The following KSR2 variants were observed in gnomAD, a reference collection of about 807,000 sequenced individuals.
KSR2 encodes the protein kinase suppressor of ras 2.
In KSR2, 25 loss-of-function variants were observed where a neutral mutation model predicts 107.8. That is an observed-to-expected ratio of 0.23 (90% CI 0.17 to 0.32). The LOEUF is 0.32. Ranked by LOEUF, KSR2 falls within the 10% of genes least tolerant of loss-of-function variation. The pLI is 1.00. For missense variants in KSR2, 887 were observed against 1,268.9 expected, an observed-to-expected ratio of 0.70 and a Z score of 4.57; for synonymous variants, 480 against 507.0, an observed-to-expected ratio of 0.95 and a Z score of 0.71.
At chr12:117,887,830 C>A (rs1164548338) in intron 1 of KSR2, among the ~76,000 whole-genome samples, 1 of 152,168 alleles carries the variant, frequency 6.6e-6, no homozygotes, top group Non-Finnish European at 1.5e-5. Flanking sequence ...TTAAAAAACT[C>A]TCCTCCACTG....
rs1565883551 is a variant in KSR2 at position 117,525,144 on chromosome 12, G to A, written c.1927C>T (p.Arg643Trp). The A allele has an allele frequency of 1.2e-6, 2 of 1,613,954 alleles. No homozygotes were observed. Among genetic ancestry groups the A allele is most frequent in the Non-Finnish European group, 1.7e-6 (2 of 1,179,868 alleles). The change falls in exon 14 of 20, where the codon CGG (arginine) becomes TGG (tryptophan). Residue 643 changes from arginine (R) to tryptophan (W), a missense_variant. By Grantham distance (101) the Arg-to-Trp change is moderately radical. This residue lies in a region of KSR2 where 308 missense variants were observed against 506.2 expected (regional missense o/e 0.61). Coordinates refer to ENST00000339824, the MANE Select transcript of KSR2 (RefSeq NM_173598.6). The stretch of plus-strand genomic sequence containing the variant: ...TGGCTGGCCTTGCGTGGGAAGCTCC[G>A]GGCCGAGAGGAGGGACAGGTTCATC... The part of the protein sequence containing the change: ...EEMNLSLLSA[R>W]SFPRKASQTS...
intron 5 of KSR2, among the ~76,000 whole-genome samples, chr12:117,605,962 A>G (rs1303503827): frequency 1.3e-5 from 2 of 152,162 alleles, no homozygotes; most frequent in Non-Finnish European, 2.9e-5. Flanking sequence ...CAGAAACGAG[A>G]AAAAGAAACC....
chr12:117,580,057 T>A (rs1265068698), intron 6 of KSR2, among the ~76,000 whole-genome samples: 1 of 151,922 alleles, frequency 6.6e-6, no homozygotes, highest in Non-Finnish European at 1.5e-5. Flanking sequence ...TCAGCAGGAG[T>A]TATATCTAAT....
intron 4 of KSR2, among the ~76,000 whole-genome samples, chr12:117,758,544 T>A (rs934896292): frequency 6.6e-6 from 1 of 152,184 alleles, no homozygotes. Flanking sequence ...GAGGAAGTGA[T>A]GAGCTTGCTA....
intron 14 of KSR2, among the ~76,000 whole-genome samples, chr12:117,488,622 T>G (rs1370655472): frequency 6.6e-6 from 1 of 152,142 alleles, no homozygotes; most frequent in Non-Finnish European, 1.5e-5. Flanking sequence ...AAGACGGCCC[T>G]CCCCAGAATC....
chr12:117,533,926 T>C (rs111818302), intron 10 of KSR2, among the ~76,000 whole-genome samples: 1 of 152,042 alleles, frequency 6.6e-6, no homozygotes, highest in Admixed American at 6.6e-5. Context: ...AAGGGAAACA[T>C]ATGACCAGAA....
chr12:117,673,408 C>G (rs193242704), intron 4 of KSR2, among the ~76,000 whole-genome samples: 2 of 149,398 alleles, frequency 1.3e-5, no homozygotes, highest in Non-Finnish European at 3.0e-5. Flanking sequence ...GACAGAAGAA[C>G]GGATAAAGGA....
chr12:117,525,326 A>C, intron 13 of KSR2, 107 bp from the exon 14 acceptor site: 1 of 1,280,492 alleles, frequency 7.8e-7, no homozygotes, highest in East Asian at 2.6e-5. Context: ...GCACATCTCT[A>C]CATGCATTTG....
intron 14 of KSR2, among the ~76,000 whole-genome samples, chr12:117,519,344 C>G (rs1485896983): frequency 6.6e-6 from 1 of 152,176 alleles, no homozygotes; most frequent in Non-Finnish European, 1.5e-5. Context: ...TTTAAAGCAG[C>G]AGGTCTCACA....
At chr12:117,672,944 T>G (rs755268388) in intron 4 of KSR2, among the ~76,000 whole-genome samples, 2 of 152,194 alleles carry the variant, frequency 1.3e-5, no homozygotes, top group East Asian at 1.9e-4. Flanking sequence ...CAACAAACTT[T>G]CAATCCACCA....
chr12:117,615,337 C>A (rs1593053741), intron 5 of KSR2, among the ~76,000 whole-genome samples: 1 of 152,018 alleles, frequency 6.6e-6, no homozygotes. Flanking sequence ...TTAAATCTTG[C>A]CCATTAGCTC....
At chr12:117,929,728 A>C (rs1408595382) in intron 1 of KSR2, among the ~76,000 whole-genome samples, 1 of 152,252 alleles carries the variant, frequency 6.6e-6, no homozygotes, top group East Asian at 1.9e-4. Context: ...AAACTCAAAA[A>C]CATTAGGTTA....
chr12:117,668,210 A>G (rs1380069599), intron 4 of KSR2, among the ~76,000 whole-genome samples: 1 of 152,238 alleles, frequency 6.6e-6, no homozygotes, highest in Non-Finnish European at 1.5e-5. Context: ...CAAGAGATCT[A>G]AGTAGACTAA....
chr12:117,493,593 C>T (rs530024465), intron 14 of KSR2, among the ~76,000 whole-genome samples: 1 of 152,318 alleles, frequency 6.6e-6, no homozygotes, highest in African/African-American at 2.4e-5. Flanking sequence ...GTGGACTCCA[C>T]CTTTGCAACA....
chr12:117,795,016 T>C (rs1037798950), intron 3 of KSR2, among the ~76,000 whole-genome samples: 7 of 152,184 alleles, frequency 4.6e-5, no homozygotes, highest in African/African-American at 1.7e-4. Flanking sequence ...CCCCAGTAAC[T>C]TCCAGGACTT....
At chr12:117,826,216 C>T (rs1891746154) in intron 3 of KSR2, among the ~76,000 whole-genome samples, 1 of 152,102 alleles carries the variant, frequency 6.6e-6, no homozygotes, top group South Asian at 2.1e-4. Context: ...ACCACCTTGA[C>T]CTCTCTGGAT....
intron 3 of KSR2, among the ~76,000 whole-genome samples, chr12:117,804,594 T>C (rs140296663): frequency 1.3e-5 from 2 of 152,336 alleles, no homozygotes; most frequent in East Asian, 3.9e-4. Context: ...ATACTATTAT[T>C]ATACTGCTTT....
intron 1 of KSR2, among the ~76,000 whole-genome samples, chr12:117,893,758 C>A (rs1188003602): frequency 6.6e-6 from 1 of 152,054 alleles, no homozygotes; most frequent in Admixed American, 6.5e-5. Context: ...AAATCAAGGC[C>A]AAGAATACGG....
chr12:117,579,214 A>C lies in KSR2; in HGVS notation c.1242-12T>G. ...ACTTGGTGGAAAACCTGTGGAAAAG[A>C]GACAGAAAATGTTCAAGGTTAAGGA... On this transcript the variant is annotated splice_polypyrimidine_tract_variant and intron_variant, in intron 6 of 19. Transcript: ENST00000339824. 1 of 1,603,396 alleles carries C rather than the reference A, an allele frequency of 6.2e-7. No individual in the cohort carries two copies. The highest frequency in any genetic ancestry group is 2.2e-5 in the East Asian group (1 of 44,854).
Sources: allele counts gnomAD v4.1 joint callset (sites outside exome capture counted in the v4.1 genomes callset), GRCh38; gene constraint gnomAD v4.1.1; regional missense constraint gnomAD v4.1.1; transcripts MANE v1.5; gene names NCBI Gene and HGNC (gene_info 2026-07-23, HGNC 2026-07-21).